IKZF1: variants seen among roughly 807,000 people sequenced by gnomAD.
IKZF1 encodes IKAROS family zinc finger 1.
In IKZF1, 10 loss-of-function variants were observed where a neutral mutation model predicts 51.7. The observed-to-expected ratio is 0.19, with a 90% confidence interval of 0.12 to 0.33. IKZF1 has a LOEUF of 0.33. IKZF1 is among the 10% of genes least tolerant of loss of function. The pLI, the probability that IKZF1 is intolerant of heterozygous loss-of-function variation, is 1.00. For synonymous variants in IKZF1, 280 were observed against 282.3 expected (o/e 0.99, Z 0.08); for missense variants, 484 against 707.5 (o/e 0.68, Z 3.58).
At chr7:50,368,296 G>A (rs544990441) in intron 3 of IKZF1, 5 of 703,388 alleles carry the variant, frequency 7.1e-6, no homozygotes, top group African/African-American at 1.7e-5. Flanking sequence ...AACAGTAAGG[G>A]TTGGAGTCAC....
intron 3 of IKZF1, among the ~76,000 whole-genome samples, chr7:50,330,253 G>T (rs911297816): frequency 6.6e-6 from 1 of 152,134 alleles, no homozygotes; most frequent in East Asian, 1.9e-4. Context: ...TTTCAGAATT[G>T]TGAAATTTAA....
chr7:50,368,407 T>A (rs1419747643), intron 3 of IKZF1: 6 of 644,032 alleles, frequency 9.3e-6, no homozygotes, highest in Admixed American at 7.4e-5. Flanking sequence ...ATGGCCATAT[T>A]TTCTGTCACC....
chr7:50,392,715 C>G (rs530562145), intron 7 of IKZF1, among the ~76,000 whole-genome samples: 1 of 152,096 alleles, frequency 6.6e-6, no homozygotes, highest in Non-Finnish European at 1.5e-5. Context: ...TAACTCTGTC[C>G]GGAAAGAGGA....
chr7:50,375,783 C>T (rs1810107267), intron 3 of IKZF1, among the ~76,000 whole-genome samples: 1 of 141,114 alleles, frequency 7.1e-6, no homozygotes, highest in Non-Finnish European at 1.5e-5. Context: ...CAGATACCTA[C>T]ATTCATAAAC....
intron 3 of IKZF1, among the ~76,000 whole-genome samples, chr7:50,363,498 G>A (rs764247333): frequency 3.9e-5 from 6 of 152,080 alleles, no homozygotes; most frequent in Non-Finnish European, 5.9e-5. Context: ...CAGTGCCCTG[G>A]GGAGCTTAGA....
At chr7:50,383,015 C>A (rs1021212228) in intron 5 of IKZF1, among the ~76,000 whole-genome samples, 1 of 152,234 alleles carries the variant, frequency 6.6e-6, no homozygotes, top group African/African-American at 2.4e-5. Flanking sequence ...GGTATGGTTT[C>A]CCTAAAGGAT....
chr7:50,303,938 C>G (rs1215662989), upstream of IKZF1: 1 of 144,498 alleles, frequency 6.9e-6, no homozygotes, highest in Non-Finnish European at 1.5e-5. The surrounding 1 kb of genome is among the most constrained non-coding windows in gnomAD (Gnocchi z 4.7). Context: ...CTGCCCGGCC[C>G]GCGGACACAG....
intron 3 of IKZF1, among the ~76,000 whole-genome samples, chr7:50,357,385 AG>A (rs1435358619): frequency 3.1e-4 from 20 of 64,020 alleles, no homozygotes; most frequent in African/African-American, 1.3e-3. Flanking sequence ...ACCCTGCTGT[AG>A]CCCCCCACCT....
At chr7:50,360,122 G>T (rs1012595700) in intron 3 of IKZF1, among the ~76,000 whole-genome samples, 1 of 151,980 alleles carries the variant, frequency 6.6e-6, no homozygotes, top group Non-Finnish European at 1.5e-5. Flanking sequence ...CTTCTGCTTG[G>T]AATTCTGACA....
In IKZF1 at chr7:50,376,754, G is replaced by C. The variant is rs1810394908; in HGVS notation, c.382G>C (p.Gly128Arg). The change falls in exon 4 of 8, where the codon GGG becomes CGG. Residue 128 changes from glycine to arginine, a missense_variant. Around this residue, in one of 6 missense-constraint regions of IKZF1, gnomAD observed 53 missense variants for 167.7 expected, o/e 0.32. Transcript: ENST00000331340. This position sits in a 1 kb window ranked among gnomAD's most constrained non-coding sequence, Gnocchi z 4.5. The part of the protein sequence containing the change: ...KCDICGIICI[G>R]PNVLMVHKRS... ...TGATATCTGTGGGATCATTTGCATC[G>C]GGCCCAATGTGCTCATGGTTCACAA... The C allele has an allele frequency of 6.2e-7, 1 of 1,613,794 alleles. No individual in the cohort carries two copies. The highest frequency in any genetic ancestry group is 1.7e-5 in the Admixed American group (1 of 59,998).
At chr7:50,340,329 A>G (rs2153414583) in intron 3 of IKZF1, among the ~76,000 whole-genome samples, 1 of 152,318 alleles carries the variant, frequency 6.6e-6, no homozygotes, top group East Asian at 1.9e-4. Flanking sequence ...CCAGGAGAGT[A>G]CTTCCCCCAC....
intron 3 of IKZF1, among the ~76,000 whole-genome samples, chr7:50,356,555 G>A (rs190432543): frequency 5.3e-5 from 8 of 152,278 alleles, no homozygotes; most frequent in East Asian, 3.9e-4. Context: ...GTGTGTGCAC[G>A]GCTGTGTGTC....
At chr7:50,362,550 C>A (rs922752085) in intron 3 of IKZF1, among the ~76,000 whole-genome samples, 5 of 152,190 alleles carry the variant, frequency 3.3e-5, no homozygotes, top group Non-Finnish European at 5.9e-5. Context: ...TAGATGTTAT[C>A]TTTATCTGCG....
chr7:50,323,825 A>T (rs1254017902), intron 2 of IKZF1, among the ~76,000 whole-genome samples: 1 of 152,258 alleles, frequency 6.6e-6, no homozygotes, highest in Non-Finnish European at 1.5e-5. Flanking sequence ...AAGTTTACTT[A>T]GCATATTAGA....
At chr7:50,308,652 G>A (rs946595522) in intron 1 of IKZF1, 13 of 152,224 alleles carry the variant, frequency 8.5e-5, no homozygotes, top group African/African-American at 3.1e-4. Flanking sequence ...GTTTTCCTAA[G>A]AGAAAACGGT....
chr7:50,395,954 T>A (rs1485921031), intron 7 of IKZF1, among the ~76,000 whole-genome samples: 1 of 152,236 alleles, frequency 6.6e-6, no homozygotes, highest in African/African-American at 2.4e-5. Flanking sequence ...CTAGTGTAAC[T>A]GTTTCTTCTT....
At chr7:50,321,664 C>T (rs1029148736) in intron 2 of IKZF1, among the ~76,000 whole-genome samples, 1 of 152,024 alleles carries the variant, frequency 6.6e-6, no homozygotes, top group Non-Finnish European at 1.5e-5. Flanking sequence ...ATTCTAGAGT[C>T]AAAGCTGAAT....
At chr7:50,364,780 C>T (rs186381033) in intron 3 of IKZF1, among the ~76,000 whole-genome samples, 3 of 152,358 alleles carry the variant, frequency 2.0e-5, no homozygotes, top group Admixed American at 1.3e-4. Context: ...CTCTCAGTGA[C>T]TGCTGTGCAT....
chr7:50,379,771 T>C (rs1811334667), intron 4 of IKZF1, among the ~76,000 whole-genome samples: 1 of 152,342 alleles, frequency 6.6e-6, no homozygotes, highest in Middle Eastern at 3.4e-3. Context: ...ACGTCAGTTC[T>C]TGCAGTTCAA....
Sources: allele counts gnomAD v4.1 joint callset (sites outside exome capture counted in the v4.1 genomes callset), GRCh38; gene constraint gnomAD v4.1.1; regional missense constraint gnomAD v4.1.1; non-coding constraint Gnocchi (gnomAD v3.1); transcripts MANE v1.5; gene names NCBI Gene and HGNC (gene_info 2026-07-23, HGNC 2026-07-21).